The following ANO3 variants were observed in gnomAD, a reference collection of about 807,000 sequenced individuals.
ANO3 encodes the protein anoctamin-3.
ANO3 carries 99 observed loss-of-function variants against 144.8 expected under a neutral mutation model. The observed-to-expected ratio is 0.68, with a 90% confidence interval of 0.58 to 0.81. The LOEUF (loss-of-function observed/expected upper bound fraction) is 0.81. Ranked by LOEUF, ANO3 falls within the 30% of genes least tolerant of loss-of-function variation. ANO3 has a pLI of 0.00. For missense variants in ANO3, 905 were observed against 1,202.2 expected (o/e 0.75, Z 3.66); for synonymous variants, 414 against 392.6 (o/e 1.05, Z -0.64).
chr11:26,440,077 C>A (rs150380331), intron 1 of ANO3, among the ~76,000 whole-genome samples: 1 of 151,960 alleles, frequency 6.6e-6, no homozygotes, highest in East Asian at 1.9e-4. Context: ...TGGGTGTGGG[C>A]GGAGGGCGGG....
At chr11:26,468,301 A>G (rs1859670402) in intron 4 of ANO3, among the ~76,000 whole-genome samples, 1 of 152,002 alleles carries the variant, frequency 6.6e-6, no homozygotes, top group Non-Finnish European at 1.5e-5. Flanking sequence ...TGCCCAAATT[A>G]ACTACAGATA....
At chr11:26,623,143 A>G (rs908126464) in intron 17 of ANO3, among the ~76,000 whole-genome samples, 1 of 152,230 alleles carries the variant, frequency 6.6e-6, no homozygotes, top group Admixed American at 6.5e-5. Context: ...TAGGAAGAGA[A>G]TGAGAGTACT....
intron 1 of ANO3, among the ~76,000 whole-genome samples, chr11:26,214,826 C>A (rs1041095235): frequency 2.6e-5 from 4 of 151,866 alleles, no homozygotes; most frequent in African/African-American, 9.7e-5. Flanking sequence ...ATCCAATACA[C>A]CCCATTACTT....
At chr11:26,468,457 T>A (rs1859675160) in intron 4 of ANO3, among the ~76,000 whole-genome samples, 1 of 151,964 alleles carries the variant, frequency 6.6e-6, no homozygotes, top group South Asian at 2.1e-4. Flanking sequence ...TTCATTAAAA[T>A]TAGATCACAA....
intron 1 of ANO3, among the ~76,000 whole-genome samples, chr11:26,438,568 G>A (rs1858377386): frequency 1.1e-5 from 1 of 93,770 alleles, no homozygotes; most frequent in Admixed American, 1.7e-4. Context: ...CCAACATGGT[G>A]AAATCCCATC....
intron 14 of ANO3, among the ~76,000 whole-genome samples, chr11:26,588,415 A>T (rs1212909181): frequency 6.6e-6 from 1 of 152,212 alleles, no homozygotes; most frequent in Non-Finnish European, 1.5e-5. Context: ...AATAAAATAC[A>T]TATATCTCCA....
chr11:26,438,611 A>AAAAAAAAAAAAAAAAAAAAAG (rs1858389741), intron 1 of ANO3, among the ~76,000 whole-genome samples: 8 of 35,512 alleles, frequency 2.3e-4, no homozygotes, highest in Non-Finnish European at 3.5e-4. Context: ...AAAAAAAAGA[A>AAAAAAAAAAAAAAAAAAAAAG]AAAAAAAAAA....
At chr11:26,407,763 T>C (rs1205446912) in intron 1 of ANO3, among the ~76,000 whole-genome samples, 2 of 151,840 alleles carry the variant, frequency 1.3e-5, no homozygotes, top group East Asian at 1.9e-4. Context: ...CAATATACCA[T>C]ACCAGGCCAT....
intron 14 of ANO3, among the ~76,000 whole-genome samples, chr11:26,586,903 A>G (rs923252883): frequency 6.6e-6 from 1 of 152,096 alleles, no homozygotes; most frequent in Admixed American, 6.6e-5. Context: ...TTCACCAGAA[A>G]TTATAATAAA....
intron 1 of ANO3, among the ~76,000 whole-genome samples, chr11:26,200,173 G>A (rs1482409424): frequency 6.6e-6 from 1 of 152,154 alleles, no homozygotes; most frequent in Admixed American, 6.5e-5. Flanking sequence ...CTGTAATGTT[G>A]GAGCATAAAT....
intron 19 of ANO3, among the ~76,000 whole-genome samples, 155 bp downstream of exon 19, chr11:26,634,470 A>G (rs1250113174): frequency 6.6e-6 from 1 of 152,220 alleles, no homozygotes; most frequent in Non-Finnish European, 1.5e-5. Flanking sequence ...TTTGAGCTGA[A>G]TTATGTCTGT....
chr11:26,531,827 A>T (rs1849379454), intron 8 of ANO3, among the ~76,000 whole-genome samples: 1 of 152,186 alleles, frequency 6.6e-6, no homozygotes, highest in South Asian at 2.1e-4. Flanking sequence ...TACTGTCTCC[A>T]TCTACCTACC....
At chr11:26,569,745 T>C (rs1272974348) in intron 14 of ANO3, among the ~76,000 whole-genome samples, 1 of 152,142 alleles carries the variant, frequency 6.6e-6, no homozygotes, top group East Asian at 1.9e-4. Flanking sequence ...TTCAAATATC[T>C]AACTCTATGT....
Position 26,639,154 on chromosome 11 carries a change from G to A in ANO3, c.2054G>A (p.Ser685Asn). The change falls in exon 21 of 27, where the codon AGT (serine) becomes AAT (asparagine). Residue 685 changes from serine (S) to asparagine (N), a missense_variant. Ser to Asn is a conservative substitution (Grantham distance 46, BLOSUM62 1). Transcript: ENST00000256737. The stretch of plus-strand genomic sequence containing the variant: ...TATGTTCTATTTCAGTGTCATCCTA[G>A]TGGCTGTTTGATAGACCTCTGCCTC... ...DRWRLEECHP[S>N]GCLIDLCLQM... 6.2e-7 allele frequency: 1 copy of A among 1,610,860 alleles called. No homozygotes were observed. Among genetic ancestry groups the A allele is most frequent in the Non-Finnish European group, 8.5e-7 (1 of 1,177,288 alleles).
intron 1 of ANO3, among the ~76,000 whole-genome samples, chr11:26,261,692 C>A (rs2133828006): frequency 6.6e-6 from 1 of 152,288 alleles, no homozygotes; most frequent in Non-Finnish European, 1.5e-5. Flanking sequence ...TTAGATGGGC[C>A]TTAACCTTTA....
chr11:26,634,271 C>A lies in ANO3; in HGVS notation c.1941C>A (p.Val647=). The stretch of plus-strand genomic sequence containing the variant: ...TGAAGATGTTCCTCTTCCAGTTTGT[C>A]AATTTAAACAGTTCCATCTTCTATA... The part of the protein sequence containing the change: ...FALKMFLFQF[V]NLNSSIFYIA... Residue 647 remains valine (V), a synonymous_variant, in exon 19 of 27, where the codon GTC becomes GTA. Transcript: ENST00000256737. The A allele has an allele frequency of 6.2e-7, 1 of 1,613,708 alleles. No homozygotes were observed. Among genetic ancestry groups the A allele is most frequent in the Non-Finnish European group, 8.5e-7 (1 of 1,179,804 alleles).
At chr11:26,617,959 AT>A (rs1413475135) in intron 17 of ANO3, among the ~76,000 whole-genome samples, 1 of 152,192 alleles carries the variant, frequency 6.6e-6, no homozygotes, top group Non-Finnish European at 1.5e-5. Context: ...AATGTTAAAT[AT>A]TATACCATCA....
At chr11:26,571,796 G>A (rs534598767) in intron 14 of ANO3, among the ~76,000 whole-genome samples, 4 of 152,116 alleles carry the variant, frequency 2.6e-5, no homozygotes, top group Admixed American at 2.0e-4. Context: ...TGCTGGTTCT[G>A]TAATCTAGCA....
intron 4 of ANO3, among the ~76,000 whole-genome samples, chr11:26,503,548 A>G (rs1287631472): frequency 6.6e-6 from 1 of 152,120 alleles, no homozygotes; most frequent in African/African-American, 2.4e-5. Context: ...GAGGTTTCCA[A>G]ATTTTGCTAT....
Sources: allele counts gnomAD v4.1 joint callset (sites outside exome capture counted in the v4.1 genomes callset), GRCh38; gene constraint gnomAD v4.1.1; transcripts MANE v1.5; gene names NCBI Gene and HGNC (gene_info 2026-07-23, HGNC 2026-07-21).